Variants in NRXN3 observed in about 807,000 individuals in gnomAD.
NRXN3 encodes neurexin III.
A neutral mutation model predicts 137.6 loss-of-function variants in NRXN3; 32 were observed. The observed-to-expected ratio is 0.23, with a 90% CI of 0.18 to 0.31. NRXN3 has a LOEUF of 0.31. Ranked by LOEUF, NRXN3 falls within the 10% of genes least tolerant of loss-of-function variation. The pLI, the probability that NRXN3 is intolerant of heterozygous loss-of-function variation, is 1.00. For synonymous variants in NRXN3, 798 were observed against 784.5 expected (o/e 1.02, Z -0.29); for missense variants, 1,574 against 2,062.5 (o/e 0.76, Z 4.59).
chr14:78,693,015 G>A (rs1472272749), intron 6 of NRXN3, among the ~76,000 whole-genome samples: 2 of 151,894 alleles, frequency 1.3e-5, no homozygotes, highest in East Asian at 3.9e-4. Flanking sequence ...CTCAGGAGGT[G>A]GGGGTTGCAG....
intron 15 of NRXN3, among the ~76,000 whole-genome samples, chr14:79,364,116 A>G (rs1168663530): frequency 6.6e-6 from 1 of 151,830 alleles, no homozygotes; most frequent in Non-Finnish European, 1.5e-5. Flanking sequence ...ATTTCTTTTA[A>G]TTTTCCTTCA....
intron 1 of NRXN3, among the ~76,000 whole-genome samples, chr14:78,211,810 G>A (rs2062772890): frequency 6.6e-6 from 1 of 152,218 alleles, no homozygotes; most frequent in African/African-American, 2.4e-5. Flanking sequence ...GGAAGAAAGT[G>A]GAAAAGGGGG....
intron 16 of NRXN3, among the ~76,000 whole-genome samples, chr14:79,628,352 A>G (rs1478748262): frequency 6.6e-6 from 1 of 152,204 alleles, no homozygotes; most frequent in Non-Finnish European, 1.5e-5. Context: ...TTCTCCTAAC[A>G]GTTCCTATGA....
chr14:79,090,736 T>G (rs984885730), intron 15 of NRXN3, among the ~76,000 whole-genome samples: 59 of 152,124 alleles, frequency 3.9e-4, no homozygotes, highest in African/African-American at 1.4e-3. Context: ...TTCCCCACAC[T>G]ACATAATGCA....
rs78640491 is a variant in NRXN3 at position 78,685,145 on chromosome 14, G to A, written c.1222-24072G>A. 5.3e-5 allele frequency among the ~76,000 whole-genome samples: 8 copies of A among 152,324 alleles called. No homozygotes were observed. In the East Asian group the frequency reaches 1.5e-3, roughly 29 times the overall value. ...GGAGCCATTAAAGTGATCTGGGCAT[G>A]AGTAAAGGCTGTATGTGACATCCTA... On this transcript the variant is annotated intron_variant, in intron 6 of 20. Transcript: ENST00000335750.
intron 16 of NRXN3, among the ~76,000 whole-genome samples, chr14:79,584,418 A>G (rs1438307340): frequency 6.6e-6 from 1 of 152,216 alleles, no homozygotes; most frequent in Non-Finnish European, 1.5e-5. Flanking sequence ...GCATGAGTCC[A>G]TAGGCATGTG....
intron 10 of NRXN3, among the ~76,000 whole-genome samples, chr14:78,840,557 C>A (rs1054266275): frequency 5.9e-5 from 9 of 152,140 alleles, no homozygotes; most frequent in Non-Finnish European, 1.2e-4. Context: ...TCACTTCATA[C>A]TTCATGCTCA....
At chr14:78,767,263 C>G (rs913267919) in intron 8 of NRXN3, among the ~76,000 whole-genome samples, 1 of 152,134 alleles carries the variant, frequency 6.6e-6, no homozygotes, top group East Asian at 1.9e-4. Flanking sequence ...TGACATGTGG[C>G]CTTTCCATAG....
intron 4 of NRXN3, among the ~76,000 whole-genome samples, chr14:78,443,470 A>T (rs928690072): frequency 6.6e-6 from 1 of 152,184 alleles, no homozygotes; most frequent in African/African-American, 2.4e-5. Flanking sequence ...TTGCCAGGCC[A>T]GGAGGGTCCA....
At chr14:78,908,334 A>G (rs971854597) in intron 10 of NRXN3, among the ~76,000 whole-genome samples, 1 of 152,070 alleles carries the variant, frequency 6.6e-6, no homozygotes, top group African/African-American at 2.4e-5. Context: ...ACAAACCCAT[A>G]GTAGTCAGTC....
intron 5 of NRXN3, among the ~76,000 whole-genome samples, chr14:78,645,930 A>G (rs1196689902): frequency 1.3e-5 from 2 of 151,542 alleles, no homozygotes; most frequent in East Asian, 1.9e-4. Flanking sequence ...TTTCCCAACT[A>G]TTTTTTTCTT....
At chr14:78,248,294 C>T (rs1004585573) in intron 2 of NRXN3, among the ~76,000 whole-genome samples, 1 of 18,852 alleles carries the variant, frequency 5.3e-5, no homozygotes. Flanking sequence ...GACTAGCCAC[C>T]GCCCCCCGCC....
chr14:79,381,207 GT>G (rs5809936), intron 15 of NRXN3, among the ~76,000 whole-genome samples: 48,177 of 140,938 alleles, frequency 0.34, 8,140 homozygotes, highest in Middle Eastern at 0.54. Flanking sequence ...TGCGTTGAAT[GT>G]TTTTTTTTTT....
At chr14:78,656,103 G>A (rs759782461) in intron 6 of NRXN3, among the ~76,000 whole-genome samples, 1 of 152,092 alleles carries the variant, frequency 6.6e-6, no homozygotes, top group Non-Finnish European at 1.5e-5. Flanking sequence ...AACATTCAGT[G>A]CATAGCAAAC....
At chr14:78,226,161 G>A (rs577607867) in intron 1 of NRXN3, among the ~76,000 whole-genome samples, 13 of 152,156 alleles carry the variant, frequency 8.5e-5, no homozygotes, top group African/African-American at 2.4e-4. Context: ...GTGCCACCAC[G>A]CCCGACTAAT....
At chr14:79,055,732 G>A (rs2099659325) in intron 15 of NRXN3, among the ~76,000 whole-genome samples, 1 of 152,114 alleles carries the variant, frequency 6.6e-6, no homozygotes, top group Non-Finnish European at 1.5e-5. Flanking sequence ...TGATAACTTA[G>A]GTCCTGGATA....
intron 18 of NRXN3, among the ~76,000 whole-genome samples, chr14:79,695,126 G>T (rs2098730778): frequency 6.6e-6 from 1 of 151,916 alleles, no homozygotes; most frequent in Admixed American, 6.6e-5. Context: ...GTCTTGAACA[G>T]GCAAAGAGCA....
At chr14:78,603,898 G>C (rs1329230801) in intron 4 of NRXN3, among the ~76,000 whole-genome samples, 1 of 152,138 alleles carries the variant, frequency 6.6e-6, no homozygotes, top group Non-Finnish European at 1.5e-5. Context: ...AGATTTTTCT[G>C]CTCCCTCTTC....
chr14:78,220,666 G>A (rs1267507479), intron 1 of NRXN3, among the ~76,000 whole-genome samples: 1 of 152,160 alleles, frequency 6.6e-6, no homozygotes, highest in Non-Finnish European at 1.5e-5. Flanking sequence ...GGGGGCAGGG[G>A]GTGAGTGGGG....
Sources: gnomAD v4.1 joint callset for allele counts (sites outside exome capture counted in the v4.1 genomes callset) on GRCh38, gnomAD v4.1.1 for gene constraint, MANE v1.5 for transcripts, NCBI Gene and HGNC (gene_info 2026-07-23, HGNC 2026-07-21) for gene names.